The following FOXP2 variants were observed in gnomAD, a reference collection of about 807,000 sequenced individuals.
FOXP2 encodes the protein forkhead box protein P2.
FOXP2 carries 12 observed loss-of-function variants against 115.8 expected under a neutral mutation model. That is an observed-to-expected ratio of 0.10 (90% CI 0.07 to 0.17). The LOEUF (loss-of-function observed/expected upper bound fraction) is 0.17. Among genes scored for constraint, FOXP2 ranks in the 10% least tolerant of loss-of-function variants. FOXP2 has a pLI of 1.00. For synonymous variants in FOXP2, 328 were observed against 297.7 expected, an observed-to-expected ratio of 1.10 and a Z score of -1.05; for missense variants, 629 against 843.5, an observed-to-expected ratio of 0.75 and a Z score of 3.15.
intron 1 of FOXP2, among the ~76,000 whole-genome samples, chr7:114,179,912 G>A (rs1434348435): frequency 1.3e-5 from 2 of 151,874 alleles, no homozygotes; most frequent in African/African-American, 4.8e-5. Context: ...TTTCTGGACT[G>A]TAACTCCTGT....
intron 1 of FOXP2, among the ~76,000 whole-genome samples, chr7:114,422,048 G>T (rs77627039): frequency 0.018 from 2,715 of 151,768 alleles, 30 homozygotes; most frequent in African/African-American, 0.031. Flanking sequence ...AATCTGCATA[G>T]AAATATTTAA....
intron 6 of FOXP2, 23 bp from the exon 7 acceptor site, chr7:114,642,387 T>G (rs766805116): frequency 6.2e-7 from 1 of 1,600,072 alleles, no homozygotes; most frequent in Non-Finnish European, 8.6e-7. Context: ...GTTATGCTAG[T>G]GAAGCTTTCT....
intron 2 of FOXP2, among the ~76,000 whole-genome samples, chr7:114,333,852 C>G (rs1797774525): frequency 6.6e-6 from 1 of 151,722 alleles, no homozygotes; most frequent in Non-Finnish European, 1.5e-5. Context: ...CACACCACTG[C>G]CCTCCAGCTT....
At chr7:114,362,136 T>C (rs905839974) in intron 2 of FOXP2, among the ~76,000 whole-genome samples, 14 of 152,020 alleles carry the variant, frequency 9.2e-5, no homozygotes, top group African/African-American at 3.1e-4. Context: ...AAAAATACAA[T>C]GAACTTACAG....
chr7:114,548,293 C>T (rs1294202280), intron 3 of FOXP2, among the ~76,000 whole-genome samples: 1 of 152,238 alleles, frequency 6.6e-6, no homozygotes, highest in Non-Finnish European at 1.5e-5. Context: ...CCATCCTGAA[C>T]AATATCATAT....
chr7:114,467,454 G>A (rs1795852119), intron 2 of FOXP2, among the ~76,000 whole-genome samples: 1 of 152,198 alleles, frequency 6.6e-6, no homozygotes, highest in South Asian at 2.1e-4. Context: ...AAAGTGAAGA[G>A]TGAGAGTAAG....
At chr7:114,240,473 T>G (rs1795124170) in intron 1 of FOXP2, among the ~76,000 whole-genome samples, 1 of 152,134 alleles carries the variant, frequency 6.6e-6, no homozygotes, top group Admixed American at 6.6e-5. Context: ...TTTATTACCT[T>G]TAAAATATTA....
intron 3 of FOXP2, among the ~76,000 whole-genome samples, chr7:114,545,403 A>G (rs1348751285): frequency 6.6e-6 from 1 of 152,168 alleles, no homozygotes; most frequent in East Asian, 1.9e-4. Flanking sequence ...CCTTTTCAGG[A>G]TCATTTCCAA....
chr7:114,557,122 C>G (rs1800503865), intron 3 of FOXP2, among the ~76,000 whole-genome samples: 1 of 152,082 alleles, frequency 6.6e-6, no homozygotes, highest in Non-Finnish European at 1.5e-5. Context: ...AATTCTTGGG[C>G]TCAAACCCTG....
intron 2 of FOXP2, among the ~76,000 whole-genome samples, chr7:114,466,192 AT>A (rs1406659149): frequency 6.6e-6 from 1 of 152,110 alleles, no homozygotes; most frequent in Non-Finnish European, 1.5e-5. Flanking sequence ...TATTACTGGA[AT>A]TTTGCTAGAG....
chr7:114,549,574 T>A (rs1800099739), intron 3 of FOXP2, among the ~76,000 whole-genome samples: 1 of 152,196 alleles, frequency 6.6e-6, no homozygotes, highest in Non-Finnish European at 1.5e-5. Flanking sequence ...ATGTTTGTCA[T>A]CACTTCATCC....
chr7:114,280,471 G>A (rs2129174715), intron 1 of FOXP2, among the ~76,000 whole-genome samples: 1 of 152,074 alleles, frequency 6.6e-6, no homozygotes, highest in Middle Eastern at 3.4e-3. Flanking sequence ...CATCATAGTA[G>A]CGTACATTTA....
At chr7:114,393,977 T>A (rs989176082) in intron 2 of FOXP2, among the ~76,000 whole-genome samples, 19 of 97,804 alleles carry the variant, frequency 1.9e-4, no homozygotes, top group South Asian at 1.0e-3. Context: ...TGTGTGTGTG[T>A]GAGAGTGTGT....
At chr7:114,605,621 T>G (rs147609020) in intron 3 of FOXP2, among the ~76,000 whole-genome samples, 25 of 152,272 alleles carry the variant, frequency 1.6e-4, no homozygotes, top group South Asian at 6.2e-4. Flanking sequence ...GTGCTGAGCC[T>G]CGGACGATAA....
chr7:114,416,052 T>C (rs925635413), intron 1 of FOXP2, among the ~76,000 whole-genome samples: 2 of 152,016 alleles, frequency 1.3e-5, no homozygotes, highest in African/African-American at 4.8e-5. Flanking sequence ...GTGTGATAGT[T>C]TAATACTCGT....
intron 9 of FOXP2, 115 bp downstream of exon 9, chr7:114,652,405 T>C (rs1458236252): frequency 3.7e-6 from 3 of 820,456 alleles, no homozygotes; most frequent in Non-Finnish European, 6.2e-6. Flanking sequence ...CATTCAATAC[T>C]AATGGAGATA....
chr7:114,580,138 C>T (rs1428397017), intron 3 of FOXP2, among the ~76,000 whole-genome samples: 2 of 152,148 alleles, frequency 1.3e-5, no homozygotes, highest in Admixed American at 6.5e-5. Flanking sequence ...GACCATCCTA[C>T]TTAAGATATC....
At chr7:114,364,718 C>T (rs1013405289) in intron 2 of FOXP2, among the ~76,000 whole-genome samples, 2 of 152,000 alleles carry the variant, frequency 1.3e-5, no homozygotes, top group African/African-American at 4.8e-5. Flanking sequence ...GCAGTAGGCT[C>T]ATTTAGTTTT....
At chr7:114,156,351 A>G (rs1440592323) in intron 1 of FOXP2, among the ~76,000 whole-genome samples, 1 of 152,092 alleles carries the variant, frequency 6.6e-6, no homozygotes, top group Non-Finnish European at 1.5e-5. Context: ...TACCCACTGT[A>G]ACAGTAGGAG....
Sources: allele counts gnomAD v4.1 joint callset (sites outside exome capture counted in the v4.1 genomes callset), GRCh38; gene constraint gnomAD v4.1.1; transcripts MANE v1.5; gene names NCBI Gene and HGNC (gene_info 2026-07-23, HGNC 2026-07-21).